The following PTPRM variants were observed in gnomAD, a reference collection of about 807,000 sequenced individuals.
The protein encoded by PTPRM is receptor-type tyrosine-protein phosphatase mu.
A neutral mutation model predicts 186.7 loss-of-function variants in PTPRM; 47 were observed. The observed-to-expected ratio is 0.25, with a 90% CI of 0.20 to 0.32. PTPRM has a LOEUF of 0.32. PTPRM is among the 10% of genes least tolerant of loss of function. The pLI is 1.00. For synonymous variants in PTPRM, 668 were observed against 674.9 expected, an observed-to-expected ratio of 0.99 and a Z score of 0.16; for missense variants, 1,494 against 1,865.0, an observed-to-expected ratio of 0.80 and a Z score of 3.66.
intron 1 of PTPRM, among the ~76,000 whole-genome samples, chr18:7,753,644 A>C (rs2041331606): frequency 6.6e-6 from 1 of 152,160 alleles, no homozygotes; most frequent in South Asian, 2.1e-4. Flanking sequence ...ATGTAATATA[A>C]ATAGGTTTAA....
In PTPRM at chr18:8,178,602, G is replaced by T. The variant is rs992274338; in HGVS notation, c.2300+34823G>T. On this transcript the variant is annotated intron_variant, in intron 14 of 32. Coordinates refer to ENST00000580170, the MANE Select transcript of PTPRM (RefSeq NM_001105244.2). ...AGTTTGAGACCAGCCTGGCCAACATGGTGAAACCTCGTCTCTACTAAAAAT... is the reference window on the plus strand; with the variant it reads ...AGTTTGAGACCAGCCTGGCCAACATTGTGAAACCTCGTCTCTACTAAAAAT... Among the ~76,000 whole-genome samples the T allele has an allele frequency of 2.5e-4, 38 of 151,982 alleles. 1 individual carries two copies. The highest frequency in any genetic ancestry group is 1.3e-4 in the Admixed American group (2 of 15,246).
At chr18:7,733,896 A>G (rs548318481) in intron 1 of PTPRM, among the ~76,000 whole-genome samples, 6 of 152,316 alleles carry the variant, frequency 3.9e-5, no homozygotes, top group African/African-American at 9.6e-5. Flanking sequence ...TCTTTTCTGC[A>G]CAAAACATCT....
At position 7,988,013 on chromosome 18, in the gene PTPRM, CA is replaced by C. The variant is rs57611700; in HGVS notation, c.1132+32621del. Among the ~76,000 whole-genome samples the C allele has an allele frequency of 4.0e-3, 452 of 112,366 alleles. 6 individuals are homozygous for C. The highest frequency in any genetic ancestry group is 0.031 in the South Asian group (106 of 3,432). 73.7% of individuals were successfully genotyped at this position (112,366 alleles called of 152,430 possible). A position where few individuals can be genotyped will look rare whatever the true frequency, so the allele number is the denominator to read the frequency against. ...ACAACATAGTGAGACCCTGTGTCTA[CA>C]AAAAAAAAAAAAAAAAAAAAATTAA... is the stretch of plus-strand genomic sequence containing the variant. On this transcript the variant is annotated intron_variant, in intron 7 of 32. Transcript: ENST00000580170.
At chr18:7,575,248 A>G (rs1214854410) in intron 1 of PTPRM, among the ~76,000 whole-genome samples, 2 of 152,142 alleles carry the variant, frequency 1.3e-5, no homozygotes, top group Non-Finnish European at 2.9e-5. Context: ...AAACAGCTGA[A>G]GAGTGCTTCC....
intron 1 of PTPRM, among the ~76,000 whole-genome samples, chr18:7,592,053 T>C (rs1487358310): frequency 6.6e-6 from 1 of 152,158 alleles, no homozygotes; most frequent in Non-Finnish European, 1.5e-5. Context: ...CCAGTAAAAA[T>C]TTTAGTGACC....
At chr18:8,344,448 G>GTGTGTGTGTATATATATATATATA (rs1360655194) in intron 23 of PTPRM, among the ~76,000 whole-genome samples, 4 of 33,420 alleles carry the variant, frequency 1.2e-4, no homozygotes, top group African/African-American at 3.0e-4. Flanking sequence ...GTGTGTGTGT[G>GTGTGTGTGTATATATATATATATA]TATATATATA....
chr18:7,811,178 A>T (rs2044492173), intron 2 of PTPRM, among the ~76,000 whole-genome samples: 1 of 152,210 alleles, frequency 6.6e-6, no homozygotes, highest in South Asian at 2.1e-4. Context: ...TGGCTCAATA[A>T]AGTGGCAACA....
intron 31 of PTPRM, among the ~76,000 whole-genome samples, chr18:8,393,423 T>G (rs1048436451): frequency 3.3e-5 from 5 of 152,180 alleles, no homozygotes; most frequent in African/African-American, 1.2e-4. Flanking sequence ...TACAAATCAC[T>G]GATCAGTGCT....
intron 1 of PTPRM, among the ~76,000 whole-genome samples, chr18:7,607,392 G>T (rs2037557972): frequency 6.7e-6 from 1 of 150,036 alleles, no homozygotes; most frequent in Non-Finnish European, 1.5e-5. Context: ...GTGCCGAGTT[G>T]TCTCTTCTGC....
intron 14 of PTPRM, among the ~76,000 whole-genome samples, chr18:8,216,702 A>G (rs10853361): frequency 0.31 from 47,245 of 152,216 alleles, 8,575 homozygotes; most frequent in East Asian, 0.71. Flanking sequence ...GACATATGGT[A>G]ACATATTATT....
intron 7 of PTPRM, among the ~76,000 whole-genome samples, chr18:7,975,641 T>C (rs2054881925): frequency 6.6e-6 from 1 of 152,224 alleles, no homozygotes; most frequent in Non-Finnish European, 1.5e-5. Flanking sequence ...GTAGCCACTG[T>C]AATTTCATAG....
At chr18:8,366,992 C>T (rs1248119528) in intron 23 of PTPRM, 1 of 152,282 alleles carries the variant, frequency 6.6e-6, no homozygotes, top group Non-Finnish European at 1.5e-5. Flanking sequence ...CTCCAACGGG[C>T]ACCTCCAAAC....
intron 19 of PTPRM, among the ~76,000 whole-genome samples, chr18:8,288,971 G>A (rs2147811220): frequency 6.6e-6 from 1 of 152,268 alleles, no homozygotes; most frequent in Admixed American, 6.5e-5. Flanking sequence ...AATCCTTGGT[G>A]GCTTAAGACC....
chr18:8,240,552 A>AGG (rs1245020823), intron 14 of PTPRM, among the ~76,000 whole-genome samples: 192 of 117,570 alleles, frequency 1.6e-3, no homozygotes, highest in Non-Finnish European at 2.5e-3. Flanking sequence ...GAAGGAAGGA[A>AGG]AGAAGGAAAG....
At chr18:7,986,245 C>A (rs73383846) in intron 7 of PTPRM, among the ~76,000 whole-genome samples, 2,255 of 152,274 alleles carry the variant, frequency 0.015, 67 homozygotes, top group African/African-American at 0.052. Context: ...CAGACTAACG[C>A]ATACAAGAAA....
intron 5 of PTPRM, among the ~76,000 whole-genome samples, chr18:7,931,747 T>C (rs2051499458): frequency 6.6e-6 from 1 of 152,264 alleles, no homozygotes. Context: ...GTATATTTTT[T>C]ATGTAGTCAC....
intron 2 of PTPRM, among the ~76,000 whole-genome samples, chr18:7,803,609 T>C (rs1452901180): frequency 6.6e-6 from 1 of 152,166 alleles, no homozygotes; most frequent in African/African-American, 2.4e-5. Context: ...AGTATGTATG[T>C]AGAGCTGAAA....
At chr18:8,123,423 C>T (rs1164034347) in intron 13 of PTPRM, among the ~76,000 whole-genome samples, 1 of 152,106 alleles carries the variant, frequency 6.6e-6, no homozygotes, top group African/African-American at 2.4e-5. Flanking sequence ...TTATTTTGGA[C>T]AGTAAAGAAA....
chr18:8,209,304 C>G (rs1393089638), intron 14 of PTPRM, among the ~76,000 whole-genome samples: 1 of 151,892 alleles, frequency 6.6e-6, no homozygotes, highest in African/African-American at 2.4e-5. Context: ...ATGGCTGGTC[C>G]CGAGTGGTAG....
Sources: allele counts gnomAD v4.1 joint callset (sites outside exome capture counted in the v4.1 genomes callset), GRCh38; gene constraint gnomAD v4.1.1; transcripts MANE v1.5; gene names NCBI Gene and HGNC (gene_info 2026-07-23, HGNC 2026-07-21).